Variants in CPLX2 observed in about 807,000 individuals in gnomAD.
The protein encoded by CPLX2 is complexin 2.
Under a neutral mutation model 16.3 loss-of-function variants are expected in CPLX2, and 5 were observed. The observed-to-expected ratio is 0.31, with a 90% CI of 0.16 to 0.64. CPLX2 has a LOEUF of 0.64. Among genes scored for constraint, CPLX2 ranks in the 30% least tolerant of loss-of-function variants. CPLX2 has a pLI of 0.79. For synonymous variants in CPLX2, 89 were observed against 73.2 expected, an observed-to-expected ratio of 1.22 and a Z score of -1.10; for missense variants, 144 against 181.4, an observed-to-expected ratio of 0.79 and a Z score of 1.18.
chr5:175,863,502 G>A (rs941285889), intron 2 of CPLX2, among the ~76,000 whole-genome samples: 24 of 152,148 alleles, frequency 1.6e-4, no homozygotes, highest in African/African-American at 5.8e-4. Context: ...TTAAGGTAAC[G>A]GAGGCGAGGG....
chr5:175,871,410 G>GGAGAGAGAGAGA (rs72487413), upstream of CPLX2: 1 of 28,690 alleles, frequency 3.5e-5, no homozygotes. Context: ...AAGAGAGAGA[G>GGAGAGAGAGAGA]GAGAGAGAGA....
intron 1 of CPLX2, among the ~76,000 whole-genome samples, chr5:175,803,786 G>GT (rs1758143559): frequency 6.6e-6 from 1 of 152,232 alleles, no homozygotes. Flanking sequence ...GTGATCCCCT[G>GT]GGCCCTCCTT....
intron 1 of CPLX2, among the ~76,000 whole-genome samples, chr5:175,875,611 G>A (rs925794802): frequency 3.3e-5 from 5 of 152,164 alleles, no homozygotes; most frequent in African/African-American, 1.2e-4. Flanking sequence ...CAAGATCTGA[G>A]TCAGGCATGC....
chr5:175,824,904 G>A (rs1246439786), intron 2 of CPLX2, among the ~76,000 whole-genome samples: 1 of 152,142 alleles, frequency 6.6e-6, no homozygotes, highest in Non-Finnish European at 1.5e-5. Context: ...TGGAGGCGAG[G>A]AGATCATTCA....
At position 175,879,876 on chromosome 5, in the gene CPLX2, A is replaced by C; in HGVS notation, c.236A>C (p.Glu79Ala). The C allele has an allele frequency of 6.2e-7, 1 of 1,612,910 alleles. No homozygotes were observed. Among genetic ancestry groups the C allele is most frequent in the Non-Finnish European group, 8.5e-7 (1 of 1,179,446 alleles). The change falls in exon 4 of 4, where the codon GAA (glutamate) becomes GCA (alanine). Residue 79 changes from glutamate to alanine, a missense_variant. Coordinates refer to ENST00000393745, the MANE Select transcript of CPLX2 (RefSeq NM_001008220.2). The part of the protein sequence containing the change: ...KYGLKKKEEK[E>A]AEEKAALEQP... Reference sequence around the variant, plus strand: ...GGGCTGAAGAAGAAGGAGGAGAAGGAAGCAGAGGAGAAAGCAGCCCTGGAG... The same window carrying C: ...GGGCTGAAGAAGAAGGAGGAGAAGGCAGCAGAGGAGAAAGCAGCCCTGGAG...
At chr5:175,807,121 G>A (rs149835513) in intron 1 of CPLX2, among the ~76,000 whole-genome samples, 2 of 152,260 alleles carry the variant, frequency 1.3e-5, no homozygotes, top group Non-Finnish European at 1.5e-5. Context: ...CGGGCCCCTC[G>A]CCTGCACAGG....
intron 2 of CPLX2, among the ~76,000 whole-genome samples, chr5:175,824,282 TGATCA>T (rs1288906946): frequency 2.6e-5 from 4 of 152,266 alleles, no homozygotes; most frequent in African/African-American, 9.6e-5. Context: ...GTCAGAGCTT[TGATCA>T]GCAAGAGGTA....
At chr5:175,876,592 G>C (rs148179694) in intron 1 of CPLX2, among the ~76,000 whole-genome samples, 1 of 152,262 alleles carries the variant, frequency 6.6e-6, no homozygotes, top group Non-Finnish European at 1.5e-5. Context: ...ACAGAGGCAT[G>C]GGAGAAAGGG....
chr5:175,871,661 G>C lies in CPLX2; in HGVS notation c.-133G>C, dbSNP rs1759623269. On this transcript the variant is annotated 5_prime_UTR_variant, in exon 1 of 4. Coordinates refer to ENST00000393745, the MANE Select transcript of CPLX2 (RefSeq NM_001008220.2). ...GCAGAAGGAACCACCTCGTGGAGTCGGGCCGGAGCCCTGCAGTGGCTCAGA... is the reference window on the plus strand; with the variant it reads ...GCAGAAGGAACCACCTCGTGGAGTCCGGCCGGAGCCCTGCAGTGGCTCAGA... 6.6e-6 allele frequency: 1 copy of C among 152,152 alleles called. No homozygotes were observed. The highest frequency in any genetic ancestry group is 6.5e-5 in the Admixed American group (1 of 15,282). 9.4% of individuals were successfully genotyped at this position (152,152 alleles called of 1,614,324 possible).
chr5:175,821,783 C>T lies in CPLX2; in HGVS notation c.-89+12715C>T, dbSNP rs150718529. ...ATTTTTAAATGCACTGAGCCCCTACCGGGTGCAGGCATAAGGTGAGGAGCT... is the reference window on the plus strand; with the variant it reads ...ATTTTTAAATGCACTGAGCCCCTACTGGGTGCAGGCATAAGGTGAGGAGCT... On this transcript the variant is annotated intron_variant, in intron 2 of 4. Transcript: ENST00000359546. 4.1e-4 allele frequency among the ~76,000 whole-genome samples: 62 copies of T among 152,274 alleles called. No individual in the cohort carries two copies. In the East Asian group the frequency reaches 9.5e-3, roughly 23 times the overall value.
intron 2 of CPLX2, among the ~76,000 whole-genome samples, chr5:175,859,083 G>C (rs1218372816): frequency 6.6e-6 from 1 of 152,186 alleles, no homozygotes; most frequent in African/African-American, 2.4e-5. Flanking sequence ...CTACAGCCTG[G>C]CATGGTCTGA....
chr5:175,812,698 T>C (rs7718856), intron 2 of CPLX2, among the ~76,000 whole-genome samples: 68,094 of 151,810 alleles, frequency 0.45, 17,255 homozygotes, highest in East Asian at 0.75. Context: ...AATGTGAGCT[T>C]GAAATAATGT....
At chr5:175,823,755 C>A (rs1758555472) in intron 2 of CPLX2, among the ~76,000 whole-genome samples, 1 of 152,120 alleles carries the variant, frequency 6.6e-6, no homozygotes, top group African/African-American at 2.4e-5. Context: ...GCTTTCCTTC[C>A]TTCATTTTAT....
In CPLX2 at chr5:175,881,298, G is replaced by GTGTGT. The variant is rs1755590418; in HGVS notation, c.*1256_*1260dup. ...GAGCGTGTGTGTGTCTTGAGATTGT[G>GTGTGT]TGTGTTGCAGTCATCATATCTATGT... On this transcript the variant is annotated 3_prime_UTR_variant, in exon 4 of 4. Transcript: ENST00000393745. 6.5e-6 allele frequency: 1 copy of GTGTGT among 153,404 alleles called. No individual in the cohort carries two copies. The highest frequency in any genetic ancestry group is 1.5e-5 in the Non-Finnish European group (1 of 68,214). 9.5% of individuals were successfully genotyped at this position (153,404 alleles called of 1,614,324 possible).
rs745515602 is a variant in CPLX2 at position 175,879,840 on chromosome 5, C to G, written c.208-8C>G. ...CTTCATGCGCGTCTCTGCCCTCCCC[C>G]TCCCCAGTATGGGCTGAAGAAGAAG... On this transcript the variant is annotated splice_polypyrimidine_tract_variant and splice_region_variant and intron_variant, in intron 3 of 3. Coordinates refer to ENST00000393745, the MANE Select transcript of CPLX2 (RefSeq NM_001008220.2). 2.5e-6 allele frequency: 4 copies of G among 1,608,364 alleles called. No homozygotes were observed. The highest frequency in any genetic ancestry group is 3.4e-6 in the Non-Finnish European group (4 of 1,177,504).
intron 2 of CPLX2, among the ~76,000 whole-genome samples, chr5:175,813,177 G>A (rs376651390): frequency 1.3e-5 from 2 of 152,190 alleles, no homozygotes; most frequent in East Asian, 1.9e-4. Context: ...TTAATAGCTC[G>A]CAAGTGATGC....
At position 175,878,730 on chromosome 5, in the gene CPLX2, A is replaced by G. The variant is rs1755476521; in HGVS notation, c.-10A>G. ...CCGTGGGCTAAGGCACGCTAACCAG[A>G]GCCGGCGGCATGGACTTCGTCATGA... On this transcript the variant is annotated 5_prime_UTR_variant, in exon 2 of 4. Transcript: ENST00000393745. The G allele has an allele frequency of 6.2e-7, 1 of 1,613,292 alleles. No homozygotes were observed. The highest frequency in any genetic ancestry group is 8.5e-7 in the Non-Finnish European group (1 of 1,179,832).
intron 2 of CPLX2, among the ~76,000 whole-genome samples, chr5:175,838,783 C>T (rs1021846542): frequency 1.3e-4 from 20 of 152,202 alleles, no homozygotes; most frequent in Non-Finnish European, 2.4e-4. Context: ...ACTCACGCAG[C>T]CAGTGCATCT....
In CPLX2 at chr5:175,874,973, G is replaced by A. The variant is rs187079666; in HGVS notation, c.-89+3268G>A. Among the ~76,000 whole-genome samples, 38 of 152,310 alleles carry A rather than the reference G, an allele frequency of 2.5e-4. 1 individual carries two copies. Among genetic ancestry groups the A allele is most frequent in the African/African-American group, 7.9e-4 (33 of 41,570 alleles). On this transcript the variant is annotated intron_variant, in intron 1 of 3. Coordinates refer to ENST00000393745, the MANE Select transcript of CPLX2 (RefSeq NM_001008220.2). ...GAGATTCCAGAAAGCTGGAAAAGGT[G>A]GGGGGAGGGAGTCAGCAGCAGCATG...
Sources: allele counts gnomAD v4.1 joint callset (sites outside exome capture counted in the v4.1 genomes callset), GRCh38; gene constraint gnomAD v4.1.1; transcripts MANE v1.5; gene names NCBI Gene and HGNC (gene_info 2026-07-23, HGNC 2026-07-21).